LAMA3: variants seen among roughly 807,000 people sequenced by gnomAD.
The protein encoded by LAMA3 is laminin subunit alpha 3.
LAMA3 carries 281 observed loss-of-function variants against 402.0 expected under a neutral mutation model. The observed-to-expected ratio is 0.70, with a 90% CI of 0.63 to 0.77. The LOEUF (loss-of-function observed/expected upper bound fraction) is 0.77, where lower values mean the gene tolerates loss of function less well. Ranked by LOEUF, LAMA3 falls within the 30% of genes least tolerant of loss-of-function variation. LAMA3 has a pLI of 0.00. For synonymous variants in LAMA3, 1,431 were observed against 1,558.4 expected, an observed-to-expected ratio of 0.92 and a Z score of 1.93; for missense variants, 3,840 against 4,215.5, an observed-to-expected ratio of 0.91 and a Z score of 2.47.
In LAMA3 at chr18:23,706,929, T is replaced by C. The variant is rs1421046844; in HGVS notation, c.295-6991T>C. 3.9e-5 allele frequency among the ~76,000 whole-genome samples: 6 copies of C among 152,090 alleles called. No homozygotes were observed. The East Asian group carries it at 1.2e-3, about 29-fold the overall frequency. The stretch of plus-strand genomic sequence containing the variant: ...CCCCGTCTCTACTAAAAATACAAAA[T>C]TAGCTGGACGTGGTGGCACATGCCT... On this transcript the variant is annotated intron_variant, in intron 1 of 74. Coordinates refer to ENST00000313654, the MANE Select transcript of LAMA3 (RefSeq NM_198129.4).
At chr18:23,941,640 AC>A (rs1285033541) in intron 68 of LAMA3, among the ~76,000 whole-genome samples, 1 of 152,002 alleles carries the variant, frequency 6.6e-6, no homozygotes, top group Non-Finnish European at 1.5e-5. Context: ...CCATTGCTTT[AC>A]CCCTTTGGTG....
At chr18:23,853,602 A>G (rs2063995702) in intron 32 of LAMA3, among the ~76,000 whole-genome samples, 1 of 152,148 alleles carries the variant, frequency 6.6e-6, no homozygotes, top group Non-Finnish European at 1.5e-5. Context: ...AGCTCACCCC[A>G]ACACATCTGG....
intron 56 of LAMA3, among the ~76,000 whole-genome samples, chr18:23,913,861 G>A (rs754070607): frequency 1.3e-5 from 2 of 152,112 alleles, no homozygotes; most frequent in Admixed American, 6.5e-5. Flanking sequence ...ATTTATTCTC[G>A]AATGTACTTA....
chr18:23,901,097 A>G (rs755018047), intron 47 of LAMA3, 30 bp from the exon 48 acceptor site: 1 of 1,589,680 alleles, frequency 6.3e-7, no homozygotes, highest in South Asian at 1.1e-5. Flanking sequence ...CTCATCTGTC[A>G]AATAGAAAAC....
At chr18:23,813,605 G>T (rs1411613965) in intron 14 of LAMA3, among the ~76,000 whole-genome samples, 6 of 130,930 alleles carry the variant, frequency 4.6e-5, no homozygotes, top group Admixed American at 1.8e-4. Context: ...GTGCAGTGCC[G>T]CGATCTCAGC....
chr18:23,758,541 C>G (rs757801044), intron 7 of LAMA3, 30 bp downstream of exon 7: 25 of 1,427,150 alleles, frequency 1.8e-5, no homozygotes, highest in Non-Finnish European at 9.3e-7. Context: ...GGGGGCCACA[C>G]GTGGCCTTCT....
chr18:23,826,395 CA>C (rs1359707639), intron 21 of LAMA3, among the ~76,000 whole-genome samples: 2 of 152,208 alleles, frequency 1.3e-5, no homozygotes, highest in East Asian at 3.8e-4. Flanking sequence ...CATCAGTTGA[CA>C]ATTTATTATC....
At chr18:23,823,847 C>T (rs567677500) in intron 20 of LAMA3, among the ~76,000 whole-genome samples, 5 of 152,250 alleles carry the variant, frequency 3.3e-5, no homozygotes, top group Admixed American at 6.5e-5. Flanking sequence ...AACAAACAAA[C>T]GGAAGTGTAA....
At chr18:23,857,779 A>G in intron 32 of LAMA3, 65 bp from the exon 33 acceptor site, 1 of 1,601,120 alleles carries the variant, frequency 6.2e-7, no homozygotes, top group Non-Finnish European at 8.6e-7. Context: ...ACTATAGTGT[A>G]AGTGAGCACT....
chr18:23,710,728 AG>A (rs2060975815), intron 1 of LAMA3, among the ~76,000 whole-genome samples: 1 of 152,214 alleles, frequency 6.6e-6, no homozygotes, highest in African/African-American at 2.4e-5. Flanking sequence ...AGAAAGGACA[AG>A]GAATACTTTA....
chr18:23,943,687 A>T (rs188290506), intron 68 of LAMA3, 101 bp from the exon 69 acceptor site: 8 of 1,070,576 alleles, frequency 7.5e-6, no homozygotes, highest in Non-Finnish European at 1.5e-6. Flanking sequence ...CCATTTGAAA[A>T]ATGGGGGTTG....
intron 2 of LAMA3, among the ~76,000 whole-genome samples, chr18:23,747,194 C>A (rs2061667032): frequency 6.6e-6 from 1 of 152,014 alleles, no homozygotes; most frequent in Admixed American, 6.6e-5. Flanking sequence ...GGAAATAGGA[C>A]CTCAGGGTTC....
chr18:23,847,237 C>T (rs1314269689), intron 31 of LAMA3, among the ~76,000 whole-genome samples: 1 of 152,196 alleles, frequency 6.6e-6, no homozygotes, highest in Non-Finnish European at 1.5e-5. Context: ...GAGGTGGGCT[C>T]CTTGGAGGGT....
intron 2 of LAMA3, among the ~76,000 whole-genome samples, chr18:23,718,946 G>A (rs747075045): frequency 2.0e-5 from 3 of 152,316 alleles, no homozygotes; most frequent in Middle Eastern, 3.4e-3. Context: ...GGAAAATACC[G>A]CATTTCCCTG....
chr18:23,895,599 AATGTTCCCTTATTATCC>A (rs1402868067), intron 44 of LAMA3, among the ~76,000 whole-genome samples: 2 of 152,218 alleles, frequency 1.3e-5, no homozygotes, highest in African/African-American at 4.8e-5. Flanking sequence ...AATTGTTCAT[AATGTTCCCTTATTATCC>A]TTTGTACATC....
intron 1 of LAMA3, among the ~76,000 whole-genome samples, chr18:23,706,819 C>T (rs1234275291): frequency 1.3e-5 from 2 of 152,210 alleles, no homozygotes; most frequent in Non-Finnish European, 2.9e-5. Flanking sequence ...TGGCTCACAC[C>T]TGTAATCCCA....
intron 12 of LAMA3, among the ~76,000 whole-genome samples, chr18:23,789,627 A>C (rs1285683859): frequency 6.6e-6 from 1 of 152,192 alleles, no homozygotes; most frequent in Non-Finnish European, 1.5e-5. Flanking sequence ...ATTTATAGAG[A>C]TTGAAAGCAG....
At position 23,905,529 on chromosome 18, in the gene LAMA3, T is replaced by C. The variant is rs1233406808; in HGVS notation, c.6623T>C (p.Ile2208Thr). 1 of 1,591,846 alleles carries C rather than the reference T, an allele frequency of 6.3e-7. No individual in the cohort carries two copies. The highest frequency in any genetic ancestry group is 8.6e-7 in the Non-Finnish European group (1 of 1,160,352). Residue 2208 changes from isoleucine to threonine, a missense_variant, in exon 52 of 75, where the codon ATA becomes ACA. Physicochemically the swap from Ile to Thr is moderately conservative, Grantham distance 89. This residue lies in a region of LAMA3 where 891 missense variants were observed against 857.5 expected (regional missense o/e 1.04). Coordinates refer to ENST00000313654, the MANE Select transcript of LAMA3 (RefSeq NM_198129.4). ...SASESALQTVIKEDLPRKAKT... is the reference protein window; with the variant it reads ...SASESALQTVTKEDLPRKAKT... ...TAAATGCTTTGCTTTCAGACAGTGA[T>C]AAAGGAAGATCTGCCAAGAAAAGCT...
intron 62 of LAMA3, among the ~76,000 whole-genome samples, chr18:23,923,254 A>G (rs1012331730): frequency 1.3e-5 from 2 of 152,178 alleles, no homozygotes; most frequent in Non-Finnish European, 2.9e-5. Context: ...CCATGACCAA[A>G]TTTGGGTTTT....
Sources: gnomAD v4.1 joint callset for allele counts (sites outside exome capture counted in the v4.1 genomes callset) on GRCh38, gnomAD v4.1.1 for gene constraint, gnomAD v4.1.1 regional missense constraint, MANE v1.5 for transcripts, NCBI Gene and HGNC (gene_info 2026-07-23, HGNC 2026-07-21) for gene names.